STK33: variants seen among roughly 807,000 people sequenced by gnomAD.
STK33 encodes serine/threonine-protein kinase 33.
A neutral mutation model predicts 58.0 loss-of-function variants in STK33; 52 were observed. The ratio of observed to expected loss-of-function variants is 0.90; its 90% CI spans 0.72 to 1.13. STK33 has a LOEUF of 1.13. STK33 is among the 50% of genes most tolerant of loss of function. STK33 has a pLI of 0.00. For synonymous variants in STK33, 215 were observed against 200.1 expected, an observed-to-expected ratio of 1.07 and a Z score of -0.63; for missense variants, 630 against 604.2, an observed-to-expected ratio of 1.04 and a Z score of -0.45.
chr11:8,525,122 T>A (rs567305988), intron 1 of STK33, among the ~76,000 whole-genome samples: 1 of 152,142 alleles, frequency 6.6e-6, no homozygotes, highest in East Asian at 1.9e-4. Context: ...TGTAAACAAA[T>A]GGAAGGACAT....
rs188448052 is a variant in STK33, at chr11:8,432,789, C to T, written c.1146+2705G>A. Among the ~76,000 whole-genome samples the T allele has an allele frequency of 5.5e-4, 83 of 152,220 alleles. 1 individual carries two copies. The highest frequency in any genetic ancestry group is 1.9e-3 in the African/African-American group (80 of 41,536). On this transcript the variant is annotated intron_variant, in intron 14 of 15. Coordinates refer to ENST00000687296, the MANE Select transcript of STK33 (RefSeq NM_001352389.2). ...CTTCAAGTGGTTAAGAAGAGTTTTGCCTTTCAGAAGTTTGTAAAATGCCAG... is the reference window on the plus strand; with the variant it reads ...CTTCAAGTGGTTAAGAAGAGTTTTGTCTTTCAGAAGTTTGTAAAATGCCAG...
the STK33 span, among the ~76,000 whole-genome samples, chr11:8,343,207 C>G: frequency 6.6e-6 from 1 of 152,370 alleles, no homozygotes; most frequent in East Asian, 1.9e-4. Flanking sequence ...CAGCGCCTGT[C>G]TGGCCACTCT....
the STK33 span, among the ~76,000 whole-genome samples, chr11:8,351,725 T>C: frequency 1.3e-5 from 2 of 152,316 alleles, no homozygotes; most frequent in South Asian, 2.1e-4. Context: ...GCTTCAGCGC[T>C]TATATGTTCT....
chr11:8,392,860 T>A, intron 15 of STK33, 150 bp from the exon 16 acceptor site: 2 of 714,258 alleles, frequency 2.8e-6, no homozygotes, highest in Non-Finnish European at 4.5e-6. Flanking sequence ...AAATTATTAT[T>A]AAATGCCAAA....
the STK33 span, among the ~76,000 whole-genome samples, chr11:8,343,877 T>C: frequency 1.3e-5 from 2 of 152,114 alleles, no homozygotes; most frequent in Non-Finnish European, 2.9e-5. Flanking sequence ...CCTAGTCTCC[T>C]TCACCTCACA....
At chr11:8,469,023 T>G (rs1948513949) in intron 6 of STK33, among the ~76,000 whole-genome samples, 1 of 152,226 alleles carries the variant, frequency 6.6e-6, no homozygotes, top group South Asian at 2.1e-4. Flanking sequence ...TGGAGGGTCC[T>G]GCCTCCATGT....
At chr11:8,363,585 C>T in the STK33 span, among the ~76,000 whole-genome samples, 2 of 152,198 alleles carry the variant, frequency 1.3e-5, no homozygotes, top group Admixed American at 1.3e-4. Context: ...TTCTTCCCAG[C>T]GTTGTCTCTG....
intron 1 of STK33, among the ~76,000 whole-genome samples, chr11:8,544,503 T>C (rs980167828): frequency 6.6e-6 from 1 of 151,650 alleles, no homozygotes; most frequent in Non-Finnish European, 1.5e-5. Context: ...TATAGCTTTT[T>C]AAATTTTTCA....
At chr11:8,389,931 G>A (rs1848594906), downstream of STK33, among the ~76,000 whole-genome samples, 1 of 152,270 alleles carries the variant, frequency 6.6e-6, no homozygotes, top group East Asian at 1.9e-4. Flanking sequence ...TACGGGCCCT[G>A]GGAGGGGGCT....
At chr11:8,484,884 G>T (rs2138373093) in intron 1 of STK33, among the ~76,000 whole-genome samples, 1 of 152,252 alleles carries the variant, frequency 6.6e-6, no homozygotes, top group African/African-American at 2.4e-5. Flanking sequence ...TAAGCCTTAG[G>T]CATGTTATTA....
At chr11:8,585,686 G>A (rs947289055) in intron 1 of STK33, among the ~76,000 whole-genome samples, 6 of 151,928 alleles carry the variant, frequency 3.9e-5, no homozygotes, top group African/African-American at 1.2e-4. Flanking sequence ...GAGGCAGGCA[G>A]ATTGCTTGAG....
chr11:8,353,266 C>T, the STK33 span, among the ~76,000 whole-genome samples: 11 of 152,338 alleles, frequency 7.2e-5, no homozygotes, highest in East Asian at 5.8e-4. Flanking sequence ...GAGTTGGTGC[C>T]GGCTAAGCCT....
intron 15 of STK33, among the ~76,000 whole-genome samples, chr11:8,402,120 A>G (rs1938127998): frequency 6.6e-6 from 1 of 152,238 alleles, no homozygotes; most frequent in African/African-American, 2.4e-5. Context: ...TACTTGGTAT[A>G]TACCCAAAGG....
intron 1 of STK33, among the ~76,000 whole-genome samples, chr11:8,540,680 T>C (rs1348144214): frequency 6.6e-6 from 1 of 151,936 alleles, no homozygotes; most frequent in Non-Finnish European, 1.5e-5. Flanking sequence ...ACATGGAATA[T>C]TTAAAAAGAA....
At chr11:8,400,404 T>C (rs984666190) in intron 15 of STK33, among the ~76,000 whole-genome samples, 1 of 152,158 alleles carries the variant, frequency 6.6e-6, no homozygotes, top group African/African-American at 2.4e-5. Context: ...AAAAGGCCTT[T>C]GACAAAATTC....
At chr11:8,534,639 A>G (rs185588815) in intron 1 of STK33, among the ~76,000 whole-genome samples, 1 of 147,522 alleles carries the variant, frequency 6.8e-6, no homozygotes, top group Admixed American at 6.8e-5. Context: ...GTCTGGGTCA[A>G]TTTGGAACTC....
chr11:8,418,334 T>C (rs1274354220), intron 14 of STK33, among the ~76,000 whole-genome samples: 1 of 152,140 alleles, frequency 6.6e-6, no homozygotes, highest in Admixed American at 6.6e-5. Context: ...AGTGAGAACA[T>C]GTGCTATTTG....
Position 8,435,860 on chromosome 11 carries a change from A to G in STK33, c.1060+167T>C, listed in dbSNP as rs1943998755. Among the ~76,000 whole-genome samples, 5 of 152,182 alleles carry G rather than the reference A, an allele frequency of 3.3e-5. No homozygotes were observed. In the South Asian group the frequency reaches 1.0e-3, roughly 31 times the overall value. On this transcript the variant is annotated intron_variant, in intron 13 of 15. Transcript: ENST00000687296. ...GTATTTTCCGTTTTTGAAAGTTTTG[A>G]TGATGAACAATCACAGTGAAGATAT...
intron 6 of STK33, among the ~76,000 whole-genome samples, chr11:8,468,355 G>A (rs1477743077): frequency 6.6e-6 from 1 of 152,130 alleles, no homozygotes; most frequent in Non-Finnish European, 1.5e-5. Context: ...GATTTGGGTG[G>A]GGACACAAAA....
Sources: gnomAD v4.1 joint callset for allele counts (sites outside exome capture counted in the v4.1 genomes callset) on GRCh38, gnomAD v4.1.1 for gene constraint, MANE v1.5 for transcripts, NCBI Gene and HGNC (gene_info 2026-07-23, HGNC 2026-07-21) for gene names.